Variants in MRPS9 observed in about 807,000 individuals in gnomAD.
The protein encoded by MRPS9 is mitochondrial ribosomal protein S9.
MRPS9 carries 45 observed loss-of-function variants against 59.9 expected under a neutral mutation model. The ratio of observed to expected loss-of-function variants is 0.75; its 90% CI spans 0.59 to 0.96. The LOEUF is 0.96. MRPS9 is among the 40% of genes least tolerant of loss of function. The pLI, the probability that MRPS9 is intolerant of heterozygous loss-of-function variation, is 0.00. For missense variants in MRPS9, 473 were observed against 481.1 expected (o/e 0.98, Z 0.16); for synonymous variants, 171 against 166.8 (o/e 1.03, Z -0.19).
At chr2:105,038,281 G>A in intron 1 of MRPS9, 54 bp downstream of exon 1, 1 of 1,575,944 alleles carries the variant, frequency 6.3e-7, no homozygotes, top group South Asian at 1.2e-5. Flanking sequence ...AGGATGTGGA[G>A]CCAGCGCGGA....
intron 2 of MRPS9, among the ~76,000 whole-genome samples, chr2:105,053,576 T>C (rs1336706387): frequency 1.3e-5 from 2 of 152,182 alleles, no homozygotes; most frequent in African/African-American, 4.8e-5. Context: ...GGTGATTCCA[T>C]CTAGAATACG....
chr2:105,061,022 A>T (rs1450274815), intron 2 of MRPS9, among the ~76,000 whole-genome samples: 1 of 145,088 alleles, frequency 6.9e-6, no homozygotes, highest in African/African-American at 2.5e-5. Flanking sequence ...AGGCAGGAGA[A>T]TGGCGTGAAC....
At chr2:105,076,046 A>G (rs945499657) in intron 4 of MRPS9, among the ~76,000 whole-genome samples, 1 of 152,224 alleles carries the variant, frequency 6.6e-6, no homozygotes, top group African/African-American at 2.4e-5. Context: ...AAACTGAAAG[A>G]AATTAGGAAA....
chr2:105,046,773 C>CA (rs978368800), intron 1 of MRPS9, among the ~76,000 whole-genome samples: 1 of 151,722 alleles, frequency 6.6e-6, no homozygotes, highest in African/African-American at 2.4e-5. Flanking sequence ...TAGCTGTGAA[C>CA]AAAAACATTT....
At chr2:105,079,901 C>A in intron 4 of MRPS9, 82 bp from the exon 5 acceptor site, 1 of 842,746 alleles carries the variant, frequency 1.2e-6, no homozygotes, top group Non-Finnish European at 1.9e-6. Context: ...ATAAATGTGT[C>A]TCATAACTGT....
intron 10 of MRPS9, 22 bp from the exon 11 acceptor site, chr2:105,099,648 G>A: frequency 6.2e-7 from 1 of 1,610,162 alleles, no homozygotes; most frequent in Non-Finnish European, 8.5e-7. Context: ...GGTTCCTAAA[G>A]GCTTCTCTTT....
Position 105,078,974 on chromosome 2 carries a change from C to A in MRPS9, c.410-1009C>A, listed in dbSNP as rs150103646. ...ACCTAACTGTTACAATGGTTTGTGGCCCTCCAGTGGGCCACAGTATACTTC... is the reference window on the plus strand; with the variant it reads ...ACCTAACTGTTACAATGGTTTGTGGACCTCCAGTGGGCCACAGTATACTTC... On this transcript the variant is annotated intron_variant, in intron 4 of 10. Transcript: ENST00000258455. Among the ~76,000 whole-genome samples, 233 of 152,204 alleles carry A rather than the reference C, an allele frequency of 1.5e-3. 1 individual carries two copies. Among genetic ancestry groups the A allele is most frequent in the Admixed American group, 4.3e-3 (65 of 15,294 alleles).
intron 3 of MRPS9, 35 bp from the exon 4 acceptor site, chr2:105,071,424 A>T (rs936625872): frequency 7.6e-6 from 12 of 1,583,438 alleles, no homozygotes; most frequent in Admixed American, 5.0e-5. Context: ...ATATGTTATG[A>T]TAATTATCTA....
chr2:105,065,906 A>G (rs1425895257), intron 2 of MRPS9, among the ~76,000 whole-genome samples: 2 of 152,176 alleles, frequency 1.3e-5, no homozygotes, highest in Non-Finnish European at 2.9e-5. Context: ...ATTTTTTTTC[A>G]TAGCCAGGTA....
At chr2:105,096,974 TTC>T (rs1680674136) in intron 9 of MRPS9, 179 bp from the exon 10 acceptor site, 2 of 546,780 alleles carry the variant, frequency 3.7e-6, no homozygotes, top group Non-Finnish European at 5.6e-6. Flanking sequence ...CAGCAAATCA[TTC>T]AAAATGTCAG....
chr2:105,040,630 G>T (rs1476494146), intron 1 of MRPS9, among the ~76,000 whole-genome samples: 1 of 152,202 alleles, frequency 6.6e-6, no homozygotes, highest in Admixed American at 6.5e-5. Flanking sequence ...CAATCTTGTG[G>T]TATGCATGTT....
intron 3 of MRPS9, 38 bp from the exon 4 acceptor site, chr2:105,071,421 A>C: frequency 6.3e-7 from 1 of 1,584,136 alleles, no homozygotes; most frequent in Non-Finnish European, 8.6e-7. Context: ...TTTATATGTT[A>C]TGATAATTAT....
intron 2 of MRPS9, among the ~76,000 whole-genome samples, chr2:105,069,448 C>T (rs1276658959): frequency 3.3e-5 from 5 of 152,014 alleles, no homozygotes; most frequent in South Asian, 2.1e-4. Context: ...CTCCTGACCT[C>T]GTGATCCACC....
intron 2 of MRPS9, among the ~76,000 whole-genome samples, chr2:105,069,720 A>G (rs59200180): frequency 0.07 from 10,654 of 152,050 alleles, 757 homozygotes; most frequent in East Asian, 0.23. Context: ...CCAAATGGCA[A>G]TCAGTTGCAG....
intron 5 of MRPS9, 90 bp from the exon 6 acceptor site, chr2:105,088,894 C>T: frequency 1.2e-6 from 1 of 833,288 alleles, no homozygotes; most frequent in Non-Finnish European, 1.8e-6. Flanking sequence ...TTAGGAAGTA[C>T]TTACAGGAGA....
At chr2:105,091,170 A>G (rs902562448) in intron 7 of MRPS9, among the ~76,000 whole-genome samples, 28 of 152,190 alleles carry the variant, frequency 1.8e-4, no homozygotes, top group African/African-American at 5.8e-4. Flanking sequence ...GAAACAAGTT[A>G]TATATGATAC....
intron 9 of MRPS9, among the ~76,000 whole-genome samples, chr2:105,095,787 G>A (rs919401100): frequency 9.2e-5 from 14 of 151,780 alleles, no homozygotes; most frequent in African/African-American, 3.4e-4. Flanking sequence ...ATGAGCCACT[G>A]CGCCCAGCCT....
At chr2:105,073,454 C>T (rs1161085233) in intron 4 of MRPS9, among the ~76,000 whole-genome samples, 1 of 152,004 alleles carries the variant, frequency 6.6e-6, no homozygotes, top group African/African-American at 2.4e-5. Context: ...TTGTTGCTTA[C>T]CTACCTACCT....
At chr2:105,041,623 A>AT (rs1028946242) in intron 1 of MRPS9, among the ~76,000 whole-genome samples, 7 of 151,598 alleles carry the variant, frequency 4.6e-5, no homozygotes, top group African/African-American at 7.3e-5. Flanking sequence ...ATCTTAATAC[A>AT]TTTTTTTTGA....
Sources: gnomAD v4.1 joint callset for allele counts (sites outside exome capture counted in the v4.1 genomes callset) on GRCh38, gnomAD v4.1.1 for gene constraint, MANE v1.5 for transcripts, NCBI Gene and HGNC (gene_info 2026-07-23, HGNC 2026-07-21) for gene names.